RAPGEF5: variants seen among roughly 807,000 people sequenced by gnomAD.
RAPGEF5 encodes the protein M-Ras-regulated GEF.
A neutral mutation model predicts 125.2 loss-of-function variants in RAPGEF5; 65 were observed. The ratio of observed to expected loss-of-function variants is 0.52; its 90% confidence interval spans 0.43 to 0.64. RAPGEF5 has a LOEUF of 0.64. Ranked by LOEUF, RAPGEF5 falls within the 30% of genes least tolerant of loss-of-function variation. The pLI, the probability that RAPGEF5 is intolerant of heterozygous loss-of-function variation, is 0.00. For missense variants in RAPGEF5, 958 were observed against 1,048.1 expected (o/e 0.91, Z 1.19); for synonymous variants, 391 against 385.9 (o/e 1.01, Z -0.16).
intron 1 of RAPGEF5, among the ~76,000 whole-genome samples, chr7:22,320,739 C>T (rs1037451717): frequency 8.5e-5 from 13 of 152,160 alleles, no homozygotes; most frequent in African/African-American, 3.1e-4. Context: ...GAAGCACTTA[C>T]TCAGCTGAGC....
intron 5 of RAPGEF5, among the ~76,000 whole-genome samples, chr7:22,296,222 AG>A (rs1783057066): frequency 6.6e-6 from 1 of 152,156 alleles, no homozygotes; most frequent in Non-Finnish European, 1.5e-5. Context: ...TTCAAAATGA[AG>A]GTTTCATTAT....
intron 8 of RAPGEF5, among the ~76,000 whole-genome samples, chr7:22,221,197 A>G (rs1785779795): frequency 6.6e-6 from 1 of 152,170 alleles, no homozygotes; most frequent in African/African-American, 2.4e-5. Flanking sequence ...CATCCCTCAC[A>G]AGTGGCTTTT....
rs982390282 is a variant in RAPGEF5 at position 22,118,871 on chromosome 7, T to G, written c.*3535A>C. ...TACAGTAATACATTTGCATCTAACT[T>G]TTTGGCAATTTTTAAAAACTTCCCC... On this transcript the variant is annotated 3_prime_UTR_variant, in exon 26 of 26. Transcript: ENST00000665637. 2.6e-5 allele frequency: 4 copies of G among 152,510 alleles called. No homozygotes were observed. The highest frequency in any genetic ancestry group is 6.6e-5 in the Admixed American group (1 of 15,256). The allele number at this position is 152,510 out of a possible 1,614,324, so 9.4% of individuals were successfully genotyped here. A position where few individuals can be genotyped will look rare whatever the true frequency, so the allele number is the denominator to read the frequency against.
At chr7:22,151,622 G>C (rs1038971883) in intron 17 of RAPGEF5, among the ~76,000 whole-genome samples, 1 of 151,726 alleles carries the variant, frequency 6.6e-6, no homozygotes, top group Non-Finnish European at 1.5e-5. Flanking sequence ...CTGCTACCAC[G>C]CCTGGCTAAT....
Position 22,154,438 on chromosome 7 carries a change from G to C in RAPGEF5, c.1786+17C>G. ...GATCAGTGAAAGATTAATATTCAAG[G>C]GTAGAAAACAACTTACCCCCAGAGA... On this transcript the variant is annotated intron_variant, in intron 17 of 25. Coordinates refer to ENST00000665637, the MANE Select transcript of RAPGEF5 (RefSeq NM_012294.5). The C allele has an allele frequency of 6.2e-7, 1 of 1,612,282 alleles. No individual in the cohort carries two copies. The highest frequency in any genetic ancestry group is 8.5e-7 in the Non-Finnish European group (1 of 1,179,198).
rs754765329 is a variant in RAPGEF5 at position 22,315,352 on chromosome 7, G to A, written c.389+18C>T. On this transcript the variant is annotated intron_variant, in intron 3 of 25. Transcript: ENST00000665637. ...CCTCAAAGAGAATTTCTGACAAGGT[G>A]TTAGAAAACTGTGTTACCTGTAAAA... 21 of 1,533,284 alleles carry A rather than the reference G, an allele frequency of 1.4e-5. No homozygotes were observed. The Admixed American group carries it at 4.2e-4, about 31-fold the overall frequency. 95.0% of individuals were successfully genotyped at this position (1,533,284 alleles called of 1,614,324 possible).
intron 7 of RAPGEF5, among the ~76,000 whole-genome samples, chr7:22,262,908 T>C (rs2686475): frequency 0.39 from 59,583 of 152,054 alleles, 12,641 homozygotes; most frequent in East Asian, 0.72. Flanking sequence ...AAGGCTGTAG[T>C]GAGCCGGTAT....
intron 21 of RAPGEF5, among the ~76,000 whole-genome samples, chr7:22,138,521 T>C (rs1025987928): frequency 7.9e-5 from 12 of 152,204 alleles, no homozygotes; most frequent in African/African-American, 2.9e-4. Flanking sequence ...GATCCTGTGG[T>C]CACCTCTACC....
chr7:22,335,156 A>C (rs1583587110), intron 1 of RAPGEF5, among the ~76,000 whole-genome samples: 1 of 152,348 alleles, frequency 6.6e-6, no homozygotes, highest in East Asian at 1.9e-4. Flanking sequence ...AAACGAGCCA[A>C]ATCCTTACCT....
intron 7 of RAPGEF5, among the ~76,000 whole-genome samples, chr7:22,248,071 G>A (rs753703965): frequency 8.5e-5 from 13 of 152,150 alleles, no homozygotes; most frequent in East Asian, 3.9e-4. Context: ...TTAGCATCAC[G>A]CAATATACCT....
intron 23 of RAPGEF5, among the ~76,000 whole-genome samples, chr7:22,131,938 G>A (rs186309295): frequency 6.6e-6 from 1 of 152,052 alleles, no homozygotes; most frequent in East Asian, 1.9e-4. Context: ...CGGATCAGAG[G>A]GTGGATGACA....
At chr7:22,130,664 T>C (rs1782886985) in intron 24 of RAPGEF5, among the ~76,000 whole-genome samples, 2 of 152,146 alleles carry the variant, frequency 1.3e-5, no homozygotes, top group Admixed American at 6.5e-5. Context: ...CACTGAGAGA[T>C]GCCTATAAAG....
At chr7:22,291,323 A>C (rs1254989062) in intron 5 of RAPGEF5, 82 bp from the exon 6 acceptor site, 6 of 1,464,720 alleles carry the variant, frequency 4.1e-6, no homozygotes, top group Admixed American at 5.4e-5. Flanking sequence ...ATAAAGGGCA[A>C]ATAATGTCAT....
chr7:22,288,722 C>G (rs541738171), intron 6 of RAPGEF5, among the ~76,000 whole-genome samples: 1 of 152,054 alleles, frequency 6.6e-6, no homozygotes, highest in African/African-American at 2.4e-5. Flanking sequence ...TGGGGTTTCA[C>G]CGTGTTAGCC....
At chr7:22,310,195 T>C (rs2128152954) in intron 3 of RAPGEF5, 105 bp from the exon 4 acceptor site, 2 of 1,230,468 alleles carry the variant, frequency 1.6e-6, no homozygotes, top group Middle Eastern at 2.0e-4. Context: ...TTGCTTTTTT[T>C]AGACAAGCAA....
chr7:22,302,782 CTT>C (rs1217875974), intron 5 of RAPGEF5, among the ~76,000 whole-genome samples: 1 of 136,244 alleles, frequency 7.3e-6, no homozygotes. Flanking sequence ...CCACCCCCGC[CTT>C]TTTTTTTTTT....
intron 11 of RAPGEF5, among the ~76,000 whole-genome samples, chr7:22,185,149 T>G (rs1040029558): frequency 6.6e-6 from 1 of 152,210 alleles, no homozygotes; most frequent in African/African-American, 2.4e-5. Flanking sequence ...CTAGCAAAAA[T>G]AATCTTCGGG....
At chr7:22,331,926 T>C (rs1221913799) in intron 1 of RAPGEF5, among the ~76,000 whole-genome samples, 2 of 152,146 alleles carry the variant, frequency 1.3e-5, no homozygotes, top group East Asian at 1.9e-4. Context: ...TTGAAAGTAA[T>C]GGAAAAACTT....
At chr7:22,127,140 G>C (rs913088197) in intron 24 of RAPGEF5, among the ~76,000 whole-genome samples, 5 of 148,924 alleles carry the variant, frequency 3.4e-5, no homozygotes, top group Non-Finnish European at 7.4e-5. Context: ...CCAGGTTCAA[G>C]TGATTCTCCT....
Sources: allele counts gnomAD v4.1 joint callset (sites outside exome capture counted in the v4.1 genomes callset), GRCh38; gene constraint gnomAD v4.1.1; transcripts MANE v1.5; gene names NCBI Gene and HGNC (gene_info 2026-07-23, HGNC 2026-07-21).